TTC28: variants seen among roughly 807,000 people sequenced by gnomAD.
The protein encoded by TTC28 is tetratricopeptide repeat protein 28.
Under a neutral mutation model 198.0 loss-of-function variants are expected in TTC28, and 61 were observed. The ratio of observed to expected loss-of-function variants is 0.31; its 90% CI spans 0.25 to 0.38. TTC28 has a LOEUF of 0.38. TTC28 is among the 10% of genes least tolerant of loss of function. The pLI, the probability that TTC28 is intolerant of heterozygous loss-of-function variation, is 1.00. For synonymous variants in TTC28, 1,171 were observed against 1,297.8 expected (o/e 0.90, Z 2.10); for missense variants, 2,678 against 3,164.0 (o/e 0.85, Z 3.69).
intron 14 of TTC28, chr22:28,006,722 A>T (rs938603011): frequency 6.6e-6 from 1 of 152,144 alleles, no homozygotes; most frequent in African/African-American, 2.4e-5. Context: ...GCAACCCCCA[A>T]TGGATCCCGA....
Position 28,094,240 on chromosome 22 carries a change from C to T in TTC28, c.3772G>A (p.Val1258Met). ...CCCAGGTAGTGTTCATGAAACTTCA[C>T]AATTCCTGAAGCAAAACAGGCACAG... is the stretch of plus-strand genomic sequence containing the variant. ...SWLLAPGAGI[V>M]KFHEHYLGEN... Residue 1258 changes from valine to methionine, a missense_variant, in exon 12 of 23, where the codon GTG (valine) becomes ATG (methionine). Transcript: ENST00000397906. 2 of 1,541,804 alleles carry T rather than the reference C, an allele frequency of 1.3e-6. No homozygotes were observed. The highest frequency in any genetic ancestry group is 1.2e-5 in the South Asian group (1 of 82,162).
chr22:28,560,780 C>T (rs747463435), intron 2 of TTC28, among the ~76,000 whole-genome samples: 15 of 152,014 alleles, frequency 9.9e-5, no homozygotes, highest in Non-Finnish European at 1.8e-4. Flanking sequence ...TTGTTTGAGA[C>T]AGAGTCTCCC....
chr22:28,518,184 C>T (rs922703342), intron 2 of TTC28, among the ~76,000 whole-genome samples: 2 of 152,016 alleles, frequency 1.3e-5, no homozygotes, highest in African/African-American at 2.4e-5. Flanking sequence ...GCTTTCTCTG[C>T]ACAAAAACTT....
At chr22:28,290,972 A>T (rs1025361061) in intron 5 of TTC28, among the ~76,000 whole-genome samples, 1 of 152,128 alleles carries the variant, frequency 6.6e-6, no homozygotes, top group African/African-American at 2.4e-5. Context: ...TGAAGTGTAT[A>T]GGAAAAGAAA....
chr22:28,045,940 A>G (rs1032765076), intron 12 of TTC28, among the ~76,000 whole-genome samples: 20 of 152,366 alleles, frequency 1.3e-4, no homozygotes, highest in Admixed American at 1.2e-3. Context: ...ACTGTACTTC[A>G]GCCTGGGCGA....
intron 2 of TTC28, among the ~76,000 whole-genome samples, chr22:28,323,473 G>T (rs867222613): frequency 2.0e-5 from 3 of 152,184 alleles, no homozygotes; most frequent in South Asian, 2.1e-4. Context: ...AAATGCAATT[G>T]ATATATGAAA....
At chr22:28,115,368 G>A (rs369598000) in intron 6 of TTC28, among the ~76,000 whole-genome samples, 4 of 152,072 alleles carry the variant, frequency 2.6e-5, no homozygotes, top group South Asian at 4.1e-4. Context: ...TGGAAATGTC[G>A]TCCAGTAAAA....
chr22:28,253,910 G>A (rs1483558263), intron 5 of TTC28, among the ~76,000 whole-genome samples: 1 of 151,990 alleles, frequency 6.6e-6, no homozygotes, highest in African/African-American at 2.4e-5. Flanking sequence ...TTCGAGAGCA[G>A]CCTGGCCAAC....
chr22:28,530,995 A>T (rs2049122795), intron 2 of TTC28, among the ~76,000 whole-genome samples: 1 of 152,218 alleles, frequency 6.6e-6, no homozygotes, highest in Non-Finnish European at 1.5e-5. Context: ...AAGAAACTGC[A>T]TCAACTAATG....
At chr22:28,442,308 G>A (rs1388387675) in intron 2 of TTC28, among the ~76,000 whole-genome samples, 1 of 152,154 alleles carries the variant, frequency 6.6e-6, no homozygotes, top group Non-Finnish European at 1.5e-5. Context: ...CAGGAGCCCC[G>A]CAGGCTGAAG....
chr22:28,578,714 T>C (rs752992066), intron 2 of TTC28, among the ~76,000 whole-genome samples: 4 of 152,138 alleles, frequency 2.6e-5, no homozygotes, highest in East Asian at 1.9e-4. Context: ...AGTGCCCACG[T>C]AGCATGGAGA....
intron 5 of TTC28, among the ~76,000 whole-genome samples, chr22:28,222,031 T>G (rs1438336494): frequency 6.6e-6 from 1 of 152,228 alleles, no homozygotes; most frequent in Non-Finnish European, 1.5e-5. Flanking sequence ...CTTAGGAGCC[T>G]AATTTAGCTC....
At chr22:28,458,908 A>T (rs2047906231) in intron 2 of TTC28, among the ~76,000 whole-genome samples, 1 of 151,780 alleles carries the variant, frequency 6.6e-6, no homozygotes, top group Non-Finnish European at 1.5e-5. Flanking sequence ...TTACCAAAAT[A>T]ATAATACCAA....
At chr22:28,616,814 T>TC (rs2050911585) in intron 2 of TTC28, among the ~76,000 whole-genome samples, 1 of 150,506 alleles carries the variant, frequency 6.6e-6, no homozygotes, top group South Asian at 2.1e-4. Flanking sequence ...GCCACTGCAC[T>TC]CCAGCATGGG....
chr22:28,660,495 T>C (rs1285760983), intron 1 of TTC28, among the ~76,000 whole-genome samples: 1 of 152,042 alleles, frequency 6.6e-6, no homozygotes, highest in Non-Finnish European at 1.5e-5. Flanking sequence ...CCGGCTAATT[T>C]TTTGTTTTTG....
chr22:28,242,459 C>G (rs1056255440), intron 5 of TTC28, among the ~76,000 whole-genome samples: 1 of 152,058 alleles, frequency 6.6e-6, no homozygotes, highest in Admixed American at 6.5e-5. Context: ...TAGAAAAAGC[C>G]ATAAAAATCT....
chr22:28,107,974 G>C lies in TTC28; in HGVS notation c.1871C>G (p.Ala624Gly). The C allele has an allele frequency of 6.4e-7, 1 of 1,551,648 alleles. No homozygotes were observed. Among genetic ancestry groups the C allele is most frequent in the East Asian group, 2.4e-5 (1 of 40,908 alleles). Residue 624 changes from alanine to glycine, a missense_variant, in exon 7 of 23, where the codon GCT becomes GGT. By Grantham distance (60) the Ala-to-Gly change is moderately conservative. Transcript: ENST00000397906. ...APYYEQYLRL[A>G]PDLQDMEGEG... ...TCCTTCCATGTCTTGAAGGTCGGGA[G>C]CAAGCCGGAGGTACTGTTCATAATA... is the stretch of plus-strand genomic sequence containing the variant.
At chr22:28,134,495 G>T (rs1325179658) in intron 6 of TTC28, among the ~76,000 whole-genome samples, 1 of 152,210 alleles carries the variant, frequency 6.6e-6, no homozygotes, top group Non-Finnish European at 1.5e-5. Context: ...AGAATAACCA[G>T]TGTAGAGAAG....
intron 2 of TTC28, among the ~76,000 whole-genome samples, chr22:28,349,852 T>C (rs973149856): frequency 2.0e-5 from 3 of 152,204 alleles, no homozygotes; most frequent in African/African-American, 7.2e-5. Flanking sequence ...TACTAACAAG[T>C]TGGCAAAAAA....
Sources: gnomAD v4.1 joint callset for allele counts (sites outside exome capture counted in the v4.1 genomes callset) on GRCh38, gnomAD v4.1.1 for gene constraint, MANE v1.5 for transcripts, NCBI Gene and HGNC (gene_info 2026-07-23, HGNC 2026-07-21) for gene names.